The following SLC6A11 variants were observed in gnomAD, a reference collection of about 807,000 sequenced individuals.
SLC6A11 encodes the protein sodium- and chloride-dependent GABA transporter 3.
In SLC6A11, 25 loss-of-function variants were observed where a neutral mutation model predicts 74.8. The ratio of observed to expected loss-of-function variants is 0.33; its 90% confidence interval spans 0.24 to 0.47. The LOEUF (loss-of-function observed/expected upper bound fraction) is 0.47. Among genes scored for constraint, SLC6A11 ranks in the 20% least tolerant of loss-of-function variants. The pLI is 1.00. For missense variants in SLC6A11, 574 were observed against 837.0 expected (o/e 0.69, Z 3.88); for synonymous variants, 330 against 330.2 (o/e 1.00, Z 0.01).
chr3:10,822,257 C>T (rs1293307462), intron 3 of SLC6A11, among the ~76,000 whole-genome samples: 1 of 152,176 alleles, frequency 6.6e-6, no homozygotes, highest in African/African-American at 2.4e-5. Context: ...GGCCATGGTG[C>T]GGGGTGCAGG....
intron 5 of SLC6A11, among the ~76,000 whole-genome samples, chr3:10,844,944 G>T (rs1694485080): frequency 6.6e-6 from 1 of 152,156 alleles, no homozygotes; most frequent in South Asian, 2.1e-4. Flanking sequence ...CTCACAGGCT[G>T]TTGGCCAGAA....
chr3:10,824,567 G>T (rs767328244), intron 4 of SLC6A11: 1 of 152,092 alleles, frequency 6.6e-6, no homozygotes, highest in Non-Finnish European at 1.5e-5. Context: ...TTTCAAATTT[G>T]TGATACTGGC....
chr3:10,935,017 A>G lies in SLC6A11; in HGVS notation c.1576-12A>G, dbSNP rs1287837209. 1.2e-6 allele frequency: 2 copies of G among 1,609,084 alleles called. No homozygotes were observed. The highest frequency in any genetic ancestry group is 1.7e-6 in the Non-Finnish European group (2 of 1,176,904). The stretch of plus-strand genomic sequence containing the variant: ...GCCCATCCCCCAGGCACCTGCCCCC[A>G]TCTCTCTGCAGGGGATCTTCATCTT... On this transcript the variant is annotated splice_polypyrimidine_tract_variant and intron_variant, in intron 12 of 13. Transcript: ENST00000254488.
At chr3:10,906,983 A>G (rs1354118601) in intron 6 of SLC6A11, among the ~76,000 whole-genome samples, 1 of 152,200 alleles carries the variant, frequency 6.6e-6, no homozygotes, top group Non-Finnish European at 1.5e-5. Flanking sequence ...AACGTGAGCA[A>G]CAGAAGAGGA....
chr3:10,879,008 A>C (rs2106608059), intron 6 of SLC6A11, among the ~76,000 whole-genome samples: 1 of 152,266 alleles, frequency 6.6e-6, no homozygotes, highest in Non-Finnish European at 1.5e-5. Flanking sequence ...CTTGGGAGCA[A>C]GGTCTGTATC....
intron 6 of SLC6A11, among the ~76,000 whole-genome samples, chr3:10,905,136 T>A (rs2106622272): frequency 6.6e-6 from 1 of 152,356 alleles, no homozygotes; most frequent in African/African-American, 2.4e-5. Flanking sequence ...GAATTTTTAG[T>A]TGAAGAAAGT....
chr3:10,826,343 T>A (rs1353062298), intron 4 of SLC6A11, among the ~76,000 whole-genome samples: 2 of 152,184 alleles, frequency 1.3e-5, no homozygotes, highest in Admixed American at 6.5e-5. Context: ...GTGTGGTCTT[T>A]CCCAGTCCCA....
Position 10,918,495 on chromosome 3 carries a change from G to A in SLC6A11, c.1120+42G>A, listed in dbSNP as rs377397303. 4.5e-4 allele frequency: 716 copies of A among 1,576,516 alleles called. 1 individual carries two copies. Among genetic ancestry groups the A allele is most frequent in the Non-Finnish European group, 5.7e-4 (660 of 1,165,454 alleles). ...TGGGGATGGAAAAGGCGGCAAGGGA[G>A]GCCAGGAGTGATGGTCATCATGGAA... On this transcript the variant is annotated intron_variant, in intron 8 of 13. Coordinates refer to ENST00000254488, the MANE Select transcript of SLC6A11 (RefSeq NM_014229.3). The surrounding 1 kb of genome is among the most constrained non-coding windows in gnomAD (Gnocchi z 4.5).
At chr3:10,861,407 C>T (rs745444410) in intron 5 of SLC6A11, among the ~76,000 whole-genome samples, 3 of 152,060 alleles carry the variant, frequency 2.0e-5, no homozygotes, top group Non-Finnish European at 2.9e-5. Context: ...GTCCTAGCTA[C>T]TTTGGAGGCT....
chr3:10,862,950 G>T (rs1446280578), intron 5 of SLC6A11, among the ~76,000 whole-genome samples: 1 of 152,252 alleles, frequency 6.6e-6, no homozygotes, highest in Non-Finnish European at 1.5e-5. Context: ...ATTCAACTGC[G>T]AGTATTTTAC....
In SLC6A11 at chr3:10,831,493, TTG is replaced by T. The variant is rs1434207854; in HGVS notation, c.623+8103_623+8104del. Among the ~76,000 whole-genome samples the T allele has an allele frequency of 4.1e-3, 628 of 152,310 alleles. 4 individuals are homozygous for T. The highest frequency in any genetic ancestry group is 0.015 in the African/African-American group (607 of 41,566). On this transcript the variant is annotated intron_variant, in intron 4 of 13. Transcript: ENST00000254488. ...AGTGAAAAAGGTGAGCTGTAGCATG[TTG>T]TATATGATATCGTATGTAATATATG...
chr3:10,869,958 G>A (rs1165222755), intron 5 of SLC6A11, among the ~76,000 whole-genome samples: 1 of 152,124 alleles, frequency 6.6e-6, no homozygotes, highest in African/African-American at 2.4e-5. Context: ...GAAGAGAGGT[G>A]AACCTAACTC....
At chr3:10,868,823 C>G (rs911430973) in intron 5 of SLC6A11, among the ~76,000 whole-genome samples, 9 of 152,238 alleles carry the variant, frequency 5.9e-5, no homozygotes, top group Non-Finnish European at 2.9e-5. Flanking sequence ...GAAAGGGACA[C>G]TTTGTTAGGA....
At chr3:10,905,250 C>G (rs1345132288) in intron 6 of SLC6A11, among the ~76,000 whole-genome samples, 1 of 152,156 alleles carries the variant, frequency 6.6e-6, no homozygotes, top group African/African-American at 2.4e-5. Context: ...ATGACATTCC[C>G]CAGAGTTCCT....
intron 6 of SLC6A11, among the ~76,000 whole-genome samples, chr3:10,911,562 C>A (rs1199788097): frequency 6.6e-6 from 1 of 152,166 alleles, no homozygotes; most frequent in African/African-American, 2.4e-5. Context: ...GTCAGCTATG[C>A]AAATGTATCA....
intron 5 of SLC6A11, among the ~76,000 whole-genome samples, chr3:10,873,662 C>T (rs1156828476): frequency 1.1e-4 from 14 of 122,300 alleles, no homozygotes; most frequent in Non-Finnish European, 2.2e-4. Context: ...TCTATCCCGT[C>T]CTATCCTATC....
intron 5 of SLC6A11, among the ~76,000 whole-genome samples, chr3:10,845,712 A>T (rs533089556): frequency 6.6e-6 from 1 of 152,322 alleles, no homozygotes; most frequent in Admixed American, 6.5e-5. Context: ...AAACAGCCAC[A>T]CAGATGCAGA....
At chr3:10,853,535 T>A (rs1027759954) in intron 5 of SLC6A11, among the ~76,000 whole-genome samples, 5 of 152,052 alleles carry the variant, frequency 3.3e-5, no homozygotes, top group African/African-American at 1.2e-4. Flanking sequence ...GTAGGAGATA[T>A]AGAGGAAGAG....
intron 4 of SLC6A11, among the ~76,000 whole-genome samples, chr3:10,835,522 G>A (rs891395676): frequency 2.6e-5 from 4 of 152,140 alleles, no homozygotes; most frequent in Non-Finnish European, 4.4e-5. Context: ...ATTTCCCTGA[G>A]TGCCTGCTCC....
Sources: allele counts gnomAD v4.1 joint callset (sites outside exome capture counted in the v4.1 genomes callset), GRCh38; gene constraint gnomAD v4.1.1; non-coding constraint Gnocchi (gnomAD v3.1); transcripts MANE v1.5; gene names NCBI Gene and HGNC (gene_info 2026-07-23, HGNC 2026-07-21).